BSN: variants seen among roughly 807,000 people sequenced by gnomAD.
The protein encoded by BSN is bassoon presynaptic cytomatrix protein.
BSN carries 57 observed loss-of-function variants against 264.8 expected under a neutral mutation model. The observed-to-expected ratio is 0.22, with a 90% CI of 0.17 to 0.27. The LOEUF (loss-of-function observed/expected upper bound fraction) is 0.27. Among genes scored for constraint, BSN ranks in the 10% least tolerant of loss-of-function variants. The probability of loss-of-function intolerance (pLI) is 1.00; values close to 1 mark genes in which losing one functional copy is unlikely to be tolerated. For synonymous variants in BSN, 2,059 were observed against 2,137.3 expected (o/e 0.96, Z 1.01); for missense variants, 4,615 against 5,232.5 (o/e 0.88, Z 3.64).
At chr3:49,636,740 C>A (rs561661767) in intron 2 of BSN, among the ~76,000 whole-genome samples, 1 of 152,314 alleles carries the variant, frequency 6.6e-6, no homozygotes, top group South Asian at 2.1e-4. Flanking sequence ...TCAGTGTGAC[C>A]CTGCCCACTG....
At chr3:49,606,548 C>G (rs2052154015) in intron 1 of BSN, among the ~76,000 whole-genome samples, 1 of 151,576 alleles carries the variant, frequency 6.6e-6, no homozygotes, top group African/African-American at 2.4e-5. Flanking sequence ...GCCTTGCTCA[C>G]TACGAGGTAG....
chr3:49,653,218 C>G lies in BSN; in HGVS notation c.3662C>G (p.Pro1221Arg). ...PHGGPSQPTG[P>R]RGLGSFEYQD... ...GGCGGCCCCTCTCAGCCCACAGGCC[C>G]CCGGGGCCTGGGCTCCTTCGAATAT... The change falls in exon 5 of 12, where the codon CCC (proline) becomes CGC (arginine). Residue 1221 changes from proline (P) to arginine (R), a missense_variant. Physicochemically the swap from Pro to Arg is moderately radical, Grantham distance 103. This residue lies in a region of BSN where 3,415 missense variants were observed against 3,866.4 expected (regional missense o/e 0.88). Transcript: ENST00000296452. This position sits in a 1 kb window ranked among gnomAD's most constrained non-coding sequence, Gnocchi z 6.3. 5 of 1,611,676 alleles carry G rather than the reference C, an allele frequency of 3.1e-6. No individual in the cohort carries two copies. The highest frequency in any genetic ancestry group is 1.1e-5 in the South Asian group (1 of 90,974).
At chr3:49,610,338 C>T (rs984165172) in intron 1 of BSN, among the ~76,000 whole-genome samples, 1 of 152,018 alleles carries the variant, frequency 6.6e-6, no homozygotes, top group Non-Finnish European at 1.5e-5. Flanking sequence ...TATTTTACTA[C>T]CTGTTATTTC....
Position 49,650,608 on chromosome 3 carries a change from G to A in BSN, c.1519-4G>A. 6.3e-7 allele frequency: 1 copy of A among 1,585,836 alleles called. No homozygotes were observed. ...CATCAACCCCCTCTCCCATTTCCTT[G>A]CAGAAAACAGAGTGGCTCTGTCTGA... is the stretch of plus-strand genomic sequence containing the variant. On this transcript the variant is annotated splice_region_variant and splice_polypyrimidine_tract_variant and intron_variant, in intron 3 of 11. Coordinates refer to ENST00000296452, the MANE Select transcript of BSN (RefSeq NM_003458.4).
chr3:49,657,374 G>T lies in BSN; in HGVS notation c.7818G>T (p.Arg2606=). 3 of 1,613,304 alleles carry T rather than the reference G, an allele frequency of 1.9e-6. No individual in the cohort carries two copies. Among genetic ancestry groups the T allele is most frequent in the Non-Finnish European group, 2.5e-6 (3 of 1,180,032 alleles). Residue 2606 remains arginine (R), a synonymous_variant, in exon 5 of 12, where the codon CGG becomes CGT. Coordinates refer to ENST00000296452, the MANE Select transcript of BSN (RefSeq NM_003458.4). ...TGAGTCGGCGACGCCGGGCACGGCG[G>T]AGTGCTGACTGCAGTGTGCAGACGG... ...YLLSRRRRAR[R]SADCSVQTDD...
intron 1 of BSN, among the ~76,000 whole-genome samples, chr3:49,575,844 C>A (rs2051842131): frequency 6.6e-6 from 1 of 151,700 alleles, no homozygotes; most frequent in Non-Finnish European, 1.5e-5. Flanking sequence ...GGGCATATTT[C>A]TAGGATCTTT....
At chr3:49,567,768 G>A (rs2051764851) in intron 1 of BSN, among the ~76,000 whole-genome samples, 2 of 152,234 alleles carry the variant, frequency 1.3e-5, no homozygotes, top group Non-Finnish European at 1.5e-5. Context: ...CACAGATTCT[G>A]CAGGTCAGGA....
Position 49,666,520 on chromosome 3 carries a change from G to T in BSN, c.*105-1070G>T, listed in dbSNP as rs1453249379. Among the ~76,000 whole-genome samples the T allele has an allele frequency of 2.0e-5, 3 of 152,356 alleles. No individual in the cohort carries two copies. In the East Asian group the frequency reaches 5.8e-4, roughly 29 times the overall value. On this transcript the variant is annotated intron_variant, in intron 11 of 11. Transcript: ENST00000296452. Reference sequence around the variant, plus strand: ...TTAAAAATAAAATTCAATTAAAAAGGTACTTTCTGAAAGTGATGAGTGTTA... The same window carrying T: ...TTAAAAATAAAATTCAATTAAAAAGTTACTTTCTGAAAGTGATGAGTGTTA...
chr3:49,635,823 C>G (rs2052416194), intron 2 of BSN, among the ~76,000 whole-genome samples: 1 of 151,888 alleles, frequency 6.6e-6, no homozygotes, highest in Non-Finnish European at 1.5e-5. Context: ...AAAAAAAATA[C>G]AAAAATTAGC....
chr3:49,563,992 C>T (rs1056747485), intron 1 of BSN, among the ~76,000 whole-genome samples: 3 of 152,190 alleles, frequency 2.0e-5, no homozygotes, highest in Non-Finnish European at 4.4e-5. Context: ...GTACCTGCCA[C>T]GTGCCAGGGC....
downstream of BSN, among the ~76,000 whole-genome samples, chr3:49,672,465 A>G (rs1171245615): frequency 1.3e-5 from 2 of 150,218 alleles, no homozygotes; most frequent in Admixed American, 6.6e-5. Context: ...CAGTGGCGTC[A>G]GAAAGTTGGG....
In BSN at chr3:49,652,874, G is replaced by A. The variant is rs139466364; in HGVS notation, c.3318G>A (p.Thr1106=). ...NLSPIEDASP[T]EELRQAAEME... The stretch of plus-strand genomic sequence containing the variant: ...CACCCATCGAGGATGCCTCCCCGAC[G>A]GAGGAGCTGAGGCAGGCGGCCGAGA... Residue 1106 remains threonine (T), a synonymous_variant, in exon 5 of 12, where the codon ACG becomes ACA. Transcript: ENST00000296452. 14 of 1,608,842 alleles carry A rather than the reference G, an allele frequency of 8.7e-6. No homozygotes were observed. In the East Asian group the frequency reaches 1.1e-4, roughly 13 times the overall value.
Position 49,554,663 on chromosome 3 carries a change from G to T in BSN, c.61G>T (p.Ala21Ser), listed in dbSNP as rs2051649212. The T allele has an allele frequency of 1.0e-6, 1 of 992,302 alleles. No individual in the cohort carries two copies. The highest frequency in any genetic ancestry group is 1.1e-4 in the East Asian group (1 of 9,158). 61.5% of individuals were successfully genotyped at this position (992,302 alleles called of 1,614,324 possible). A position where few individuals can be genotyped will look rare whatever the true frequency, so the allele number is the denominator to read the frequency against. ...CGACGGGCCGCTGCCGCCCGGCGGC[G>T]CCGGCCCCGGCCCGGGCCCCGGCCC... ...AGDGPLPPGG[A>S]GPGPGPGPGP... The change falls in exon 1 of 12, where the codon GCC (alanine) becomes TCC (serine). Residue 21 changes from alanine to serine, a missense_variant. By Grantham distance (99) the Ala-to-Ser change is moderately conservative. Around this residue, in one of 3 missense-constraint regions of BSN, gnomAD observed 1,197 missense variants for 1,348.0 expected, o/e 0.89. Coordinates refer to ENST00000296452, the MANE Select transcript of BSN (RefSeq NM_003458.4).
Position 49,577,045 on chromosome 3 carries a change from C to A in BSN, c.224+22219C>A, listed in dbSNP as rs368915886. Among the ~76,000 whole-genome samples, 28 of 152,308 alleles carry A rather than the reference C, an allele frequency of 1.8e-4. No homozygotes were observed. In the East Asian group the frequency reaches 4.4e-3, roughly 24 times the overall value. ...AGTCCATCTCCACCTTGGGTCAGAC[C>A]TCCTTTCCAGGGCACGATAGTGCTT... On this transcript the variant is annotated intron_variant, in intron 1 of 11. Coordinates refer to ENST00000296452, the MANE Select transcript of BSN (RefSeq NM_003458.4).
rs1402995552 is a variant in BSN at position 49,642,386 on chromosome 3, A to G, written c.752A>G (p.His251Arg). The change falls in exon 3 of 12, where the codon CAC becomes CGC. Residue 251 changes from histidine (H) to arginine (R), a missense_variant. Physicochemically the swap from His to Arg is conservative, Grantham distance 29. Coordinates refer to ENST00000296452, the MANE Select transcript of BSN (RefSeq NM_003458.4). This position sits in a 1 kb window ranked among gnomAD's most constrained non-coding sequence, Gnocchi z 7.0. ...CACTCCCCAGCCCTGTCTCCTGCCC[A>G]CTCCCCGGCCAAACAGCCCCTGGGG... ...QLHSPALSPA[H>R]SPAKQPLGKP... 1 of 1,599,292 alleles carries G rather than the reference A, an allele frequency of 6.3e-7. No homozygotes were observed. Among genetic ancestry groups the G allele is most frequent in the Non-Finnish European group, 8.5e-7 (1 of 1,173,100 alleles).
At chr3:49,607,100 C>T (rs575334228) in intron 1 of BSN, among the ~76,000 whole-genome samples, 1 of 152,288 alleles carries the variant, frequency 6.6e-6, no homozygotes, top group East Asian at 1.9e-4. Flanking sequence ...CTCTCAGACC[C>T]TGGTCTCTCC....
chr3:49,596,949 A>G (rs2052028458), intron 1 of BSN, among the ~76,000 whole-genome samples: 1 of 152,216 alleles, frequency 6.6e-6, no homozygotes, highest in African/African-American at 2.4e-5. Flanking sequence ...GTGGTTTACA[A>G]TAATGGATTT....
chr3:49,605,898 G>A (rs181288091), intron 1 of BSN, among the ~76,000 whole-genome samples: 45,345 of 79,662 alleles, frequency 0.57, 13,609 homozygotes, highest in East Asian at 0.94. Context: ...ATATATTTAT[G>A]TCTATATAAA....
At chr3:49,575,696 C>T (rs2051841171) in intron 1 of BSN, among the ~76,000 whole-genome samples, 1 of 148,374 alleles carries the variant, frequency 6.7e-6, no homozygotes, top group African/African-American at 2.5e-5. Context: ...GACACAGACA[C>T]ATTCTTGGAG....
Sources: allele counts gnomAD v4.1 joint callset (sites outside exome capture counted in the v4.1 genomes callset), GRCh38; gene constraint gnomAD v4.1.1; regional missense constraint gnomAD v4.1.1; non-coding constraint Gnocchi (gnomAD v3.1); transcripts MANE v1.5; gene names NCBI Gene and HGNC (gene_info 2026-07-23, HGNC 2026-07-21).